The following TTLL11 variants were observed in gnomAD, a reference collection of about 807,000 sequenced individuals.
The protein encoded by TTLL11 is tubulin tyrosine ligase like 11, also known as tubulin polyglutamylase TTLL11.
In TTLL11, 42 loss-of-function variants were observed where a neutral mutation model predicts 51.7. The ratio of observed to expected loss-of-function variants is 0.81; its 90% confidence interval spans 0.64 to 1.05. The LOEUF (loss-of-function observed/expected upper bound fraction) is 1.05, where lower values mean the gene tolerates loss of function less well. Among genes scored for constraint, TTLL11 ranks in the 50% least tolerant of loss-of-function variants. TTLL11 has a pLI of 0.00. For missense variants in TTLL11, 799 were observed against 940.4 expected (o/e 0.85, Z 1.97); for synonymous variants, 381 against 383.5 (o/e 0.99, Z 0.08).
chr9:121,863,736 C>T (rs1838091334), intron 7 of TTLL11, among the ~76,000 whole-genome samples: 1 of 152,220 alleles, frequency 6.6e-6, no homozygotes, highest in Non-Finnish European at 1.5e-5. Context: ...TTTTCTTGCT[C>T]ATCAGCTCTC....
chr9:121,965,005 CT>C (rs1385981119), intron 6 of TTLL11, among the ~76,000 whole-genome samples: 3 of 152,310 alleles, frequency 2.0e-5, no homozygotes, highest in East Asian at 3.9e-4. Flanking sequence ...CAGTCTTCCC[CT>C]GACACACAGT....
intron 6 of TTLL11, among the ~76,000 whole-genome samples, chr9:121,914,209 C>G (rs1474269879): frequency 1.3e-5 from 2 of 152,216 alleles, no homozygotes; most frequent in African/African-American, 4.8e-5. Context: ...TTTATTGGAA[C>G]ACAGGCACAG....
intron 1 of TTLL11, among the ~76,000 whole-genome samples, chr9:122,078,811 C>T (rs935135430): frequency 6.6e-6 from 1 of 151,016 alleles, no homozygotes; most frequent in Non-Finnish European, 1.5e-5. Flanking sequence ...CTTACACCCA[C>T]CAAGACATAA....
Position 121,897,618 on chromosome 9 carries a change from G to GCACACACACACACACACA in TTLL11, c.1482-26888_1482-26871dup, listed in dbSNP as rs745877337. ...CACCTTCCCAGGCATTTCCCTCCAGGCACACACACACACACACACACACGC... is the reference window on the plus strand; with the variant it reads ...CACCTTCCCAGGCATTTCCCTCCAGGCACACACACACACACACACACACACACACACACACACACACGC... On this transcript the variant is annotated intron_variant, in intron 6 of 8. Coordinates refer to ENST00000321582, the MANE Select transcript of TTLL11 (RefSeq NM_001139442.2). 7.3e-3 allele frequency among the ~76,000 whole-genome samples: 995 copies of GCACACACACACACACACA among 136,886 alleles called. 11 individuals are homozygous for GCACACACACACACACACA. The highest frequency in any genetic ancestry group is 0.026 in the African/African-American group (935 of 36,530). The allele number at this position is 136,886 out of a possible 152,430, so 89.8% of individuals were successfully genotyped here. A position where few individuals can be genotyped will look rare whatever the true frequency, so the allele number is the denominator to read the frequency against.
chr9:121,954,678 G>GCACACACACACA (rs71371904), intron 6 of TTLL11, among the ~76,000 whole-genome samples: 28 of 149,298 alleles, frequency 1.9e-4, no homozygotes, highest in Admixed American at 4.7e-4. Context: ...ACACACAGAC[G>GCACACACACACA]CACACACACA....
At chr9:121,961,349 T>C (rs2131626253) in intron 6 of TTLL11, among the ~76,000 whole-genome samples, 1 of 152,314 alleles carries the variant, frequency 6.6e-6, no homozygotes, top group Non-Finnish European at 1.5e-5. Flanking sequence ...AACATATTCC[T>C]TCTCTCCAAA....
chr9:121,994,442 C>T lies in TTLL11; in HGVS notation c.694-4672G>A, dbSNP rs115131333. On this transcript the variant is annotated intron_variant, in intron 3 of 8. Transcript: ENST00000321582. ...ATTATGGGTCAGGCACTGTTCTAAG[C>T]ACTTTGGAGGTATTATCTCACTTAA... is the stretch of plus-strand genomic sequence containing the variant. Among the ~76,000 whole-genome samples the T allele has an allele frequency of 3.0e-3, 461 of 152,310 alleles. 6 individuals are homozygous for T. Among genetic ancestry groups the T allele is most frequent in the African/African-American group, 0.011 (446 of 41,556 alleles).
Position 122,082,872 on chromosome 9 carries a change from AT to A in TTLL11, c.462+9814del, listed in dbSNP as rs750795156. Among the ~76,000 whole-genome samples, 5 of 152,152 alleles carry A rather than the reference AT, an allele frequency of 3.3e-5. No individual in the cohort carries two copies. The East Asian group carries it at 9.7e-4, about 29-fold the overall frequency. ...CACAATGCTGTCTCTACAAAAAAAT[AT>A]AAAAAATTAGCTGGGCATGGTGTGC... On this transcript the variant is annotated intron_variant, in intron 1 of 8. Transcript: ENST00000321582.
At chr9:121,887,906 C>A (rs774883665) in intron 6 of TTLL11, among the ~76,000 whole-genome samples, 3 of 152,080 alleles carry the variant, frequency 2.0e-5, no homozygotes, top group Non-Finnish European at 4.4e-5. Context: ...GCCTGGGGGC[C>A]CCCAGGCAAC....
At chr9:122,029,505 T>TAA (rs572544780) in intron 3 of TTLL11, among the ~76,000 whole-genome samples, 1 of 152,320 alleles carries the variant, frequency 6.6e-6, no homozygotes, top group South Asian at 2.1e-4. Flanking sequence ...CAAAAAATTC[T>TAA]AAAAGTAAAA....
chr9:121,937,618 G>A (rs1260612619), intron 6 of TTLL11, among the ~76,000 whole-genome samples: 1 of 143,658 alleles, frequency 7.0e-6, no homozygotes, highest in African/African-American at 2.6e-5. Context: ...TAAATGTTTG[G>A]TGATTCGATG....
In TTLL11 at chr9:121,816,621, G is replaced by C. The variant is rs1210194458; in HGVS notation, c.*5966C>G. The stretch of plus-strand genomic sequence containing the variant: ...GTGCATGTGTGCATTGTGTACGTGT[G>C]TGCATGTGTGGTGTGTGCGCGCACA... On this transcript the variant is annotated 3_prime_UTR_variant, in exon 9 of 9. Transcript: ENST00000321582. 3 of 150,776 alleles carry C rather than the reference G, an allele frequency of 2.0e-5. No homozygotes were observed. The highest frequency in any genetic ancestry group is 4.4e-5 in the Non-Finnish European group (3 of 67,846). 9.3% of individuals were successfully genotyped at this position (150,776 alleles called of 1,614,324 possible). A position where few individuals can be genotyped will look rare whatever the true frequency, so the allele number is the denominator to read the frequency against.
In TTLL11 at chr9:121,895,156, C is replaced by A. The variant is rs140957760; in HGVS notation, c.1482-24408G>T. ...AGTAACAATGAGCTTCCACACTTCA[C>A]TCCCTACAGAGTTTTCAGAATCCTT... On this transcript the variant is annotated intron_variant, in intron 6 of 8. Transcript: ENST00000321582. Among the ~76,000 whole-genome samples, 329 of 152,350 alleles carry A rather than the reference C, an allele frequency of 2.2e-3. 2 individuals are homozygous for A. Among genetic ancestry groups the A allele is most frequent in the Middle Eastern group, 0.01 (3 of 294 alleles).
chr9:121,828,189 T>TGTG (rs1836881575), intron 8 of TTLL11, among the ~76,000 whole-genome samples: 1 of 151,636 alleles, frequency 6.6e-6, no homozygotes. Context: ...TTTTTTTTTT[T>TGTG]TGAGATGGAG....
At chr9:121,844,653 G>A (rs1371823138) in intron 8 of TTLL11, among the ~76,000 whole-genome samples, 1 of 152,166 alleles carries the variant, frequency 6.6e-6, no homozygotes. Context: ...GATGGAAAAT[G>A]TAAGGAGAAA....
intron 8 of TTLL11, among the ~76,000 whole-genome samples, chr9:121,834,502 T>G (rs1588056625): frequency 6.9e-6 from 1 of 144,780 alleles, no homozygotes. Flanking sequence ...TTTCACAAGG[T>G]ACCACACAGA....
At chr9:122,075,929 T>G (rs1845846597) in intron 1 of TTLL11, among the ~76,000 whole-genome samples, 1 of 152,106 alleles carries the variant, frequency 6.6e-6, no homozygotes, top group Non-Finnish European at 1.5e-5. Flanking sequence ...AAACAGTCAT[T>G]TAGAAGGTAG....
At chr9:122,023,322 G>A (rs1416531640) in intron 3 of TTLL11, among the ~76,000 whole-genome samples, 3 of 151,720 alleles carry the variant, frequency 2.0e-5, no homozygotes, top group Admixed American at 6.6e-5. Flanking sequence ...TTCCCACAAA[G>A]AAAATACCAA....
In TTLL11 at chr9:122,093,034, C is replaced by T. The variant is rs1846310439; in HGVS notation, c.115G>A (p.Glu39Lys). 6.6e-7 allele frequency: 1 copy of T among 1,525,156 alleles called. No individual in the cohort carries two copies. Among genetic ancestry groups the T allele is most frequent in the East Asian group, 2.6e-5 (1 of 38,904 alleles). 94.5% of individuals were successfully genotyped at this position (1,525,156 alleles called of 1,614,324 possible). ...EAEATAETVA[E>K]QVRVDAGAAG... is the part of the protein sequence containing the mutation. ...GCGCCCGCGTCCACGCGGACCTGTT[C>T]CGCCACCGTCTCCGCTGTGGCCTCG... The change falls in exon 1 of 9, where the codon GAA becomes AAA. Residue 39 changes from glutamate to lysine, a missense_variant. Physicochemically the swap from Glu to Lys is moderately conservative, Grantham distance 56. This residue lies in a region of TTLL11 where 166 missense variants were observed against 161.6 expected (regional missense o/e 1.03). Transcript: ENST00000321582.
Sources: allele counts gnomAD v4.1 joint callset (sites outside exome capture counted in the v4.1 genomes callset), GRCh38; gene constraint gnomAD v4.1.1; regional missense constraint gnomAD v4.1.1; transcripts MANE v1.5; gene names NCBI Gene and HGNC (gene_info 2026-07-23, HGNC 2026-07-21).